DSCAM: variants seen among roughly 807,000 people sequenced by gnomAD.
The protein encoded by DSCAM is DS cell adhesion molecule.
In DSCAM, 47 loss-of-function variants were observed where a neutral mutation model predicts 217.7. The observed-to-expected ratio is 0.22, with a 90% CI of 0.17 to 0.28. The LOEUF (loss-of-function observed/expected upper bound fraction) is 0.28, where lower values mean the gene tolerates loss of function less well. DSCAM is among the 10% of genes least tolerant of loss of function. DSCAM has a pLI of 1.00. For synonymous variants in DSCAM, 1,056 were observed against 1,015.3 expected, an observed-to-expected ratio of 1.04 and a Z score of -0.76; for missense variants, 2,080 against 2,618.3, an observed-to-expected ratio of 0.79 and a Z score of 4.49.
At chr21:40,052,747 C>T (rs981546345) in intron 29 of DSCAM, among the ~76,000 whole-genome samples, 2 of 151,868 alleles carry the variant, frequency 1.3e-5, no homozygotes, top group Non-Finnish European at 2.9e-5. Flanking sequence ...TAACTGACTT[C>T]TCCTACATGA....
rs1232182674 is a variant in DSCAM at position 40,044,021 on chromosome 21, C to G, written c.5383+57G>C. On this transcript the variant is annotated intron_variant, in intron 31 of 32. Transcript: ENST00000400454. ...CCCTCCCCAAGGAGCCCATGAAGCT[C>G]AAGGTGCGGGGGCCGTGCTGGTCCC... 10 of 1,584,824 alleles carry G rather than the reference C, an allele frequency of 6.3e-6. No individual in the cohort carries two copies. The East Asian group carries it at 1.8e-4, about 28-fold the overall frequency.
chr21:40,810,464 G>A (rs889783155), intron 1 of DSCAM, among the ~76,000 whole-genome samples: 3 of 152,320 alleles, frequency 2.0e-5, no homozygotes, highest in Non-Finnish European at 2.9e-5. Context: ...GGTAAACCAG[G>A]AACACAAGAA....
At chr21:40,735,723 GAC>G (rs1399408863) in intron 1 of DSCAM, among the ~76,000 whole-genome samples, 7 of 152,332 alleles carry the variant, frequency 4.6e-5, no homozygotes, top group South Asian at 2.1e-4. Flanking sequence ...GCTAGAAAGT[GAC>G]AGAGTCATGA....
At chr21:40,209,449 G>T (rs1017834780) in intron 11 of DSCAM, among the ~76,000 whole-genome samples, 4 of 152,134 alleles carry the variant, frequency 2.6e-5, no homozygotes, top group South Asian at 4.1e-4. Flanking sequence ...TACCCTTGCT[G>T]ATCTGACCTG....
chr21:40,784,061 TAC>T lies in DSCAM; in HGVS notation c.43+62556_43+62557del, dbSNP rs201481406. On this transcript the variant is annotated intron_variant, in intron 1 of 32. Transcript: ENST00000400454. ...TTTTATTATTTTATTTATAAATATA[TAC>T]AAAAATATATAAATATTTTTATATA... Among the ~76,000 whole-genome samples, 605 of 149,274 alleles carry T rather than the reference TAC, an allele frequency of 4.1e-3. 3 individuals are homozygous for T. Among genetic ancestry groups the T allele is most frequent in the African/African-American group, 0.013 (553 of 41,078 alleles).
intron 8 of DSCAM, among the ~76,000 whole-genome samples, chr21:40,329,463 A>C (rs1306624857): frequency 6.6e-6 from 1 of 151,900 alleles, no homozygotes; most frequent in Non-Finnish European, 1.5e-5. Flanking sequence ...AAAATACAAA[A>C]ATTAGCTGGG....
chr21:40,040,888 T>C (rs2088734667), intron 32 of DSCAM, among the ~76,000 whole-genome samples: 1 of 151,850 alleles, frequency 6.6e-6, no homozygotes. Context: ...TTATCCTGCA[T>C]TTTTCTCCAT....
chr21:40,176,078 C>G (rs2090726681), intron 15 of DSCAM, among the ~76,000 whole-genome samples: 1 of 151,990 alleles, frequency 6.6e-6, no homozygotes, highest in Admixed American at 6.5e-5. Flanking sequence ...AAAATCCCTC[C>G]TCTGTCCTGA....
At chr21:40,618,411 A>C (rs1312088421) in intron 3 of DSCAM, 1 of 152,174 alleles carries the variant, frequency 6.6e-6, no homozygotes, top group Non-Finnish European at 1.5e-5. Flanking sequence ...AATGGTCTCT[A>C]GCGCTGCATG....
rs147186082 is a variant in DSCAM, at chr21:40,041,369, C to T, written c.5686+1002G>A. Among the ~76,000 whole-genome samples the T allele has an allele frequency of 2.0e-3, 300 of 152,264 alleles. 2 individuals are homozygous for T. The highest frequency in any genetic ancestry group is 7.0e-3 in the African/African-American group (290 of 41,562). On this transcript the variant is annotated intron_variant, in intron 32 of 32. Transcript: ENST00000400454. The stretch of plus-strand genomic sequence containing the variant: ...TTGGCTGCCATAGGTTGGATTCCAC[C>T]TAAAGATGGGTTTTATTTGCCCTGT...
At chr21:40,391,500 G>A (rs1027924028) in intron 3 of DSCAM, among the ~76,000 whole-genome samples, 2 of 152,162 alleles carry the variant, frequency 1.3e-5, no homozygotes, top group African/African-American at 4.8e-5. Flanking sequence ...CAACCATAGA[G>A]CATTTCAATG....
intron 3 of DSCAM, among the ~76,000 whole-genome samples, chr21:40,414,123 A>G (rs974971199): frequency 6.6e-6 from 1 of 152,222 alleles, no homozygotes; most frequent in African/African-American, 2.4e-5. Flanking sequence ...AAAAATATTT[A>G]TAAAACAAGT....
At chr21:40,348,393 G>A (rs1601574096) in intron 5 of DSCAM, among the ~76,000 whole-genome samples, 1 of 151,244 alleles carries the variant, frequency 6.6e-6, no homozygotes, top group East Asian at 1.9e-4. Flanking sequence ...CCACATTATT[G>A]CAATCATACC....
At chr21:40,578,621 C>G (rs1029520788) in intron 3 of DSCAM, among the ~76,000 whole-genome samples, 2 of 152,280 alleles carry the variant, frequency 1.3e-5, no homozygotes, top group Non-Finnish European at 2.9e-5. Context: ...ACTGTGGTAC[C>G]TTTGTTCTTT....
At chr21:40,471,632 G>A (rs912869297) in intron 3 of DSCAM, among the ~76,000 whole-genome samples, 19 of 152,196 alleles carry the variant, frequency 1.2e-4, no homozygotes, top group Admixed American at 3.3e-4. Flanking sequence ...CCAAGGACAC[G>A]CAGCTGGAAA....
chr21:40,059,267 T>C (rs1039242492), intron 28 of DSCAM, among the ~76,000 whole-genome samples: 25 of 152,238 alleles, frequency 1.6e-4, no homozygotes, highest in African/African-American at 5.5e-4. Context: ...CTAATGCTGA[T>C]TCCTGGACCT....
chr21:40,317,874 C>T (rs2074216714), intron 8 of DSCAM, among the ~76,000 whole-genome samples: 1 of 152,074 alleles, frequency 6.6e-6, no homozygotes, highest in South Asian at 2.1e-4. Flanking sequence ...TAGAAAAAAA[C>T]TTTCAGAGGT....
In DSCAM at chr21:40,090,808, G is replaced by A. The variant is rs530651539; in HGVS notation, c.3850+2913C>T. Among the ~76,000 whole-genome samples, 11 of 152,298 alleles carry A rather than the reference G, an allele frequency of 7.2e-5. No individual in the cohort carries two copies. The East Asian group carries it at 2.1e-3, about 29-fold the overall frequency. On this transcript the variant is annotated intron_variant, in intron 21 of 32. Coordinates refer to ENST00000400454, the MANE Select transcript of DSCAM (RefSeq NM_001389.5). Reference sequence around the variant, plus strand: ...CTCTTGAGAGCCAGGACATGCCTCAGTGCACAGATGCCTCTGAGTGAATGG... The same window carrying A: ...CTCTTGAGAGCCAGGACATGCCTCAATGCACAGATGCCTCTGAGTGAATGG...
At chr21:40,065,713 C>A (rs1026360100) in intron 27 of DSCAM, among the ~76,000 whole-genome samples, 2 of 152,130 alleles carry the variant, frequency 1.3e-5, no homozygotes, top group Non-Finnish European at 2.9e-5. Context: ...CCAGGGGAAC[C>A]TTTGTTTTTT....
Sources: gnomAD v4.1 joint callset for allele counts (sites outside exome capture counted in the v4.1 genomes callset) on GRCh38, gnomAD v4.1.1 for gene constraint, MANE v1.5 for transcripts, NCBI Gene and HGNC (gene_info 2026-07-23, HGNC 2026-07-21) for gene names.